The following PAX7 variants were observed in gnomAD, a reference collection of about 807,000 sequenced individuals.
The protein encoded by PAX7 is paired box 7.
A neutral mutation model predicts 50.7 loss-of-function variants in PAX7; 18 were observed. That is an observed-to-expected ratio of 0.36 (90% confidence interval 0.25 to 0.53). The LOEUF is 0.53. PAX7 is among the 20% of genes least tolerant of loss of function. PAX7 has a pLI of 0.93. For synonymous variants in PAX7, 310 were observed against 290.4 expected (o/e 1.07, Z -0.69); for missense variants, 644 against 702.9 (o/e 0.92, Z 0.95).
In PAX7 at chr1:18,745,365, T is replaced by C. The variant is rs1444665455; in HGVS notation, c.*436T>C. 11 of 251,472 alleles carry C rather than the reference T, an allele frequency of 4.4e-5. No homozygotes were observed. The highest frequency in any genetic ancestry group is 2.4e-4 in the African/African-American group (11 of 45,530). 15.6% of individuals were successfully genotyped at this position (251,472 alleles called of 1,614,324 possible). A position where few individuals can be genotyped will look rare whatever the true frequency, so the allele number is the denominator to read the frequency against. On this transcript the variant is annotated 3_prime_UTR_variant, in exon 9 of 9. Transcript: ENST00000420770. The stretch of plus-strand genomic sequence containing the variant: ...TGAAGCTTTCAGGGCTGCTCTCAGC[T>C]GGATGTACTGGGAGCCAGCCCTGCA...
intron 7 of PAX7, among the ~76,000 whole-genome samples, chr1:18,724,371 T>C (rs1281929419): frequency 6.6e-6 from 1 of 152,182 alleles, no homozygotes; most frequent in Non-Finnish European, 1.5e-5. Context: ...AGGTGAGATG[T>C]ACACAGCCAC....
chr1:18,661,830 C>G (rs559293239), intron 4 of PAX7, among the ~76,000 whole-genome samples: 3 of 152,168 alleles, frequency 2.0e-5, no homozygotes, highest in Non-Finnish European at 4.4e-5. Context: ...GCCCTCTGCC[C>G]GCGCCTTCCA....
At position 18,636,745 on chromosome 1, in the gene PAX7, C is replaced by T. The variant is rs1287308574; in HGVS notation, c.586+374C>T. 2.8e-5 allele frequency among the ~76,000 whole-genome samples: 4 copies of T among 145,268 alleles called. No homozygotes were observed. Among genetic ancestry groups the T allele is most frequent in the African/African-American group, 7.5e-5 (3 of 40,152 alleles). The stretch of plus-strand genomic sequence containing the variant: ...GCGTCGATCAATTATTTATAGGAAA[C>T]TTGGGCAAGGGGGCGGGGGACGGGA... On this transcript the variant is annotated intron_variant, in intron 4 of 8. Coordinates refer to ENST00000420770, the MANE Select transcript of PAX7 (RefSeq NM_001135254.2). The surrounding 1 kb of genome is among the most constrained non-coding windows in gnomAD (Gnocchi z 5.1).
chr1:18,639,991 G>C (rs1258329419), intron 4 of PAX7, among the ~76,000 whole-genome samples: 2 of 151,142 alleles, frequency 1.3e-5, no homozygotes, highest in Non-Finnish European at 3.0e-5. Flanking sequence ...AGGGGACGGG[G>C]CGGGGGGGAA....
At chr1:18,672,751 A>G (rs1427954481) in intron 4 of PAX7, among the ~76,000 whole-genome samples, 1 of 151,918 alleles carries the variant, frequency 6.6e-6, no homozygotes, top group Non-Finnish European at 1.5e-5. Flanking sequence ...GATTATAAGC[A>G]TGTACTACCA....
chr1:18,644,240 C>T (rs532285865), intron 4 of PAX7, among the ~76,000 whole-genome samples: 11 of 152,214 alleles, frequency 7.2e-5, no homozygotes, highest in African/African-American at 2.7e-4. Context: ...CCTTGCTCTC[C>T]ATCCGAACCC....
At chr1:18,728,040 C>T (rs1024456649) in intron 7 of PAX7, among the ~76,000 whole-genome samples, 3 of 152,076 alleles carry the variant, frequency 2.0e-5, no homozygotes, top group Non-Finnish European at 2.9e-5. Context: ...GGCAGCTGCC[C>T]GGGTGGGTAA....
At chr1:18,696,552 G>T (rs1287323054) in intron 5 of PAX7, among the ~76,000 whole-genome samples, 3 of 152,184 alleles carry the variant, frequency 2.0e-5, no homozygotes, top group African/African-American at 7.2e-5. Flanking sequence ...ACACAGTGGA[G>T]TACTATTCAG....
intron 4 of PAX7, among the ~76,000 whole-genome samples, chr1:18,659,781 C>T (rs529583092): frequency 1.3e-5 from 2 of 152,282 alleles, no homozygotes; most frequent in South Asian, 2.1e-4. Flanking sequence ...AGCCTTCAGT[C>T]CCAGGCAGAC....
intron 5 of PAX7, among the ~76,000 whole-genome samples, chr1:18,699,819 C>T (rs1174632246): frequency 6.6e-6 from 1 of 152,086 alleles, no homozygotes; most frequent in Non-Finnish European, 1.5e-5. Context: ...CCTCGGCCTC[C>T]CAAAGTGCTG....
intron 7 of PAX7, among the ~76,000 whole-genome samples, chr1:18,725,307 C>T (rs1291439921): frequency 1.6e-4 from 9 of 54,784 alleles, no homozygotes; most frequent in African/African-American, 1.2e-3. Context: ...GAGACGCCCC[C>T]CCCCCGCCCC....
chr1:18,688,945 G>C (rs1334755475), intron 4 of PAX7, among the ~76,000 whole-genome samples: 1 of 152,090 alleles, frequency 6.6e-6, no homozygotes, highest in Non-Finnish European at 1.5e-5. Flanking sequence ...AAATAAGAAA[G>C]ACTAGGATTT....
intron 4 of PAX7, among the ~76,000 whole-genome samples, chr1:18,670,769 TC>T (rs2088737231): frequency 1.3e-5 from 2 of 152,172 alleles, no homozygotes; most frequent in African/African-American, 4.8e-5. Context: ...TGCGAGTCCC[TC>T]CACCTGGCTC....
intron 4 of PAX7, among the ~76,000 whole-genome samples, chr1:18,637,794 C>T (rs189486758): frequency 0.016 from 2,403 of 152,376 alleles, 37 homozygotes; most frequent in Middle Eastern, 0.027. Flanking sequence ...ACAGACAGGG[C>T]CCCTAGTGAT....
chr1:18,649,096 G>A (rs944452372), intron 4 of PAX7, among the ~76,000 whole-genome samples: 2 of 152,176 alleles, frequency 1.3e-5, no homozygotes, highest in Non-Finnish European at 1.5e-5. Context: ...ACTCAAACAG[G>A]CCTTAGAGGT....
intron 8 of PAX7, among the ~76,000 whole-genome samples, chr1:18,740,596 C>T (rs751601249): frequency 1.3e-5 from 2 of 152,118 alleles, no homozygotes; most frequent in Admixed American, 6.5e-5. Context: ...TGAGGGTGCT[C>T]GCCTTGTTGT....
chr1:18,651,158 G>A (rs2088424406), intron 4 of PAX7, among the ~76,000 whole-genome samples: 1 of 152,084 alleles, frequency 6.6e-6, no homozygotes, highest in Non-Finnish European at 1.5e-5. Context: ...GACAATGGGA[G>A]CAAATGAATT....
At chr1:18,712,134 C>CAGATGGTCAGTGTGAAT (rs1553141311) in intron 7 of PAX7, among the ~76,000 whole-genome samples, 1 of 150,680 alleles carries the variant, frequency 6.6e-6, no homozygotes, top group Non-Finnish European at 1.5e-5. Context: ...TAGGTGTGAA[C>CAGATGGTCAGTGTGAAT]TGATGGTCAG....
intron 5 of PAX7, among the ~76,000 whole-genome samples, chr1:18,697,391 C>T (rs1452679345): frequency 1.3e-5 from 2 of 152,194 alleles, no homozygotes; most frequent in Non-Finnish European, 2.9e-5. Context: ...ACCCTTCCAG[C>T]TCAGCTATCT....
Sources: allele counts gnomAD v4.1 joint callset (sites outside exome capture counted in the v4.1 genomes callset), GRCh38; gene constraint gnomAD v4.1.1; non-coding constraint Gnocchi (gnomAD v3.1); transcripts MANE v1.5; gene names NCBI Gene and HGNC (gene_info 2026-07-23, HGNC 2026-07-21).